UST: variants seen among roughly 807,000 people sequenced by gnomAD.
The protein encoded by UST is uronyl 2-sulfotransferase.
UST carries 21 observed loss-of-function variants against 45.6 expected under a neutral mutation model. That is an observed-to-expected ratio of 0.46 (90% CI 0.33 to 0.66). The LOEUF (loss-of-function observed/expected upper bound fraction) is 0.66, where lower values mean the gene tolerates loss of function less well. UST is among the 30% of genes least tolerant of loss of function. The pLI is 0.02. For missense variants in UST, 463 were observed against 512.4 expected (o/e 0.90, Z 0.93); for synonymous variants, 215 against 200.6 (o/e 1.07, Z -0.61).
chr6:148,861,920 A>G (rs1211380134), intron 1 of UST, among the ~76,000 whole-genome samples: 2 of 141,818 alleles, frequency 1.4e-5, no homozygotes, highest in South Asian at 2.4e-4. Flanking sequence ...ACTTCCAACT[A>G]TGTGGTCAGT....
intron 7 of UST, among the ~76,000 whole-genome samples, chr6:149,021,747 C>A (rs561294128): frequency 1.3e-5 from 2 of 152,222 alleles, no homozygotes; most frequent in Non-Finnish European, 2.9e-5. Flanking sequence ...GCAACATTCT[C>A]CATCAGCCTT....
chr6:149,022,831 C>T (rs1036372755), intron 7 of UST, among the ~76,000 whole-genome samples: 5 of 152,122 alleles, frequency 3.3e-5, no homozygotes, highest in African/African-American at 1.2e-4. Context: ...GTGGAGGCTG[C>T]CTTAGCCTCC....
intron 7 of UST, among the ~76,000 whole-genome samples, chr6:149,072,024 C>T (rs1776826039): frequency 1.3e-5 from 2 of 151,898 alleles, no homozygotes; most frequent in Non-Finnish European, 2.9e-5. Context: ...GGGATGGCTA[C>T]AATTTTAAAA....
intron 5 of UST, among the ~76,000 whole-genome samples, chr6:148,982,525 C>T (rs929681729): frequency 6.6e-6 from 1 of 152,198 alleles, no homozygotes; most frequent in Non-Finnish European, 1.5e-5. Flanking sequence ...GGAGTGACCA[C>T]ATTGAAACCA....
intron 1 of UST, among the ~76,000 whole-genome samples, chr6:148,768,225 G>A (rs1379860262): frequency 1.3e-5 from 2 of 152,062 alleles, no homozygotes; most frequent in Non-Finnish European, 2.9e-5. Context: ...ATTTGCATTT[G>A]TTTCAATATT....
intron 7 of UST, among the ~76,000 whole-genome samples, chr6:149,040,687 G>A (rs1776300242): frequency 6.6e-6 from 1 of 152,058 alleles, no homozygotes; most frequent in Admixed American, 6.6e-5. Flanking sequence ...AAATAAAATT[G>A]TATTTTGTAT....
chr6:148,866,725 C>T (rs1411689250), intron 1 of UST, among the ~76,000 whole-genome samples: 1 of 152,136 alleles, frequency 6.6e-6, no homozygotes, highest in Non-Finnish European at 1.5e-5. Flanking sequence ...ATTAATTTCT[C>T]ATTTATAACC....
chr6:149,019,289 AC>A, intron 6 of UST, 53 bp downstream of exon 6: 1 of 1,374,470 alleles, frequency 7.3e-7, no homozygotes, highest in Non-Finnish European at 1.0e-6. Context: ...AAGGGCAAGA[AC>A]CCCACCAGCC....
At chr6:148,797,526 T>C (rs916550172) in intron 1 of UST, among the ~76,000 whole-genome samples, 2 of 152,174 alleles carry the variant, frequency 1.3e-5, no homozygotes, top group African/African-American at 4.8e-5. Context: ...GTGGTATGCA[T>C]TGGGAATACA....
At chr6:148,796,409 A>T (rs1035927200) in intron 1 of UST, among the ~76,000 whole-genome samples, 2 of 152,124 alleles carry the variant, frequency 1.3e-5, no homozygotes, top group East Asian at 3.9e-4. Context: ...GCAGATCACA[A>T]GGTCAGGAGT....
At chr6:148,785,882 A>C (rs1480598949) in intron 1 of UST, among the ~76,000 whole-genome samples, 2 of 152,230 alleles carry the variant, frequency 1.3e-5, no homozygotes, top group African/African-American at 4.8e-5. Flanking sequence ...GCTTATAAAA[A>C]ATGTATGAAT....
chr6:148,799,179 G>A (rs1469253950), intron 1 of UST, among the ~76,000 whole-genome samples: 1 of 152,174 alleles, frequency 6.6e-6, no homozygotes, highest in Non-Finnish European at 1.5e-5. Flanking sequence ...CAGGAGATAG[G>A]ATTTAAATAA....
chr6:149,021,067 G>A (rs1182286693), intron 6 of UST, among the ~76,000 whole-genome samples: 1 of 152,128 alleles, frequency 6.6e-6, no homozygotes, highest in Non-Finnish European at 1.5e-5. Flanking sequence ...ACTTAGGCAG[G>A]GCCTCTGAAT....
At chr6:148,815,412 G>C (rs759398067) in intron 1 of UST, among the ~76,000 whole-genome samples, 1 of 152,116 alleles carries the variant, frequency 6.6e-6, no homozygotes, top group Non-Finnish European at 1.5e-5. Flanking sequence ...ATAAGGCCTG[G>C]GGAATTGAAG....
intron 1 of UST, among the ~76,000 whole-genome samples, chr6:148,749,555 C>T (rs1775948256): frequency 6.6e-6 from 1 of 152,154 alleles, no homozygotes; most frequent in African/African-American, 2.4e-5. Context: ...CCACACCTGA[C>T]TGTCAATGAA....
At chr6:148,985,219 A>G (rs907369907) in intron 5 of UST, among the ~76,000 whole-genome samples, 1 of 152,194 alleles carries the variant, frequency 6.6e-6, no homozygotes, top group African/African-American at 2.4e-5. Context: ...AGGGTAATCA[A>G]TCTACTAAAA....
intron 1 of UST, among the ~76,000 whole-genome samples, chr6:148,814,165 A>C (rs900872164): frequency 2.0e-5 from 3 of 152,176 alleles, no homozygotes; most frequent in African/African-American, 7.2e-5. Flanking sequence ...CACACTAATG[A>C]CACAGTTTGC....
intron 1 of UST, among the ~76,000 whole-genome samples, chr6:148,835,271 A>G (rs944577276): frequency 5.3e-5 from 8 of 152,198 alleles, no homozygotes; most frequent in Non-Finnish European, 8.8e-5. Flanking sequence ...TGGAGGATGT[A>G]TGTATGTTAT....
chr6:148,949,247 C>T (rs981093707), intron 3 of UST, among the ~76,000 whole-genome samples: 41 of 151,104 alleles, frequency 2.7e-4, no homozygotes, highest in Non-Finnish European at 5.5e-4. Context: ...GCCAAGATTG[C>T]GCCACTGCAC....
Sources: allele counts gnomAD v4.1 joint callset (sites outside exome capture counted in the v4.1 genomes callset), GRCh38; gene constraint gnomAD v4.1.1; transcripts MANE v1.5; gene names NCBI Gene and HGNC (gene_info 2026-07-23, HGNC 2026-07-21).